Variants in DIABLO observed in about 807,000 individuals in gnomAD.
DIABLO encodes diablo IAP-binding mitochondrial protein.
In DIABLO, 32 loss-of-function variants were observed where a neutral mutation model predicts 31.7. The observed-to-expected ratio is 1.01, with a 90% CI of 0.76 to 1.35. The LOEUF (loss-of-function observed/expected upper bound fraction) is 1.35. DIABLO is among the 40% of genes most tolerant of loss of function. The pLI is 0.00. For synonymous variants in DIABLO, 132 were observed against 103.2 expected (o/e 1.28, Z -1.69); for missense variants, 316 against 286.4 (o/e 1.10, Z -0.75).
chr12:122,222,990 C>T (rs1405128717), intron 2 of DIABLO, among the ~76,000 whole-genome samples: 4 of 151,870 alleles, frequency 2.6e-5, no homozygotes, highest in African/African-American at 9.7e-5. Flanking sequence ...CTGCTAACTA[C>T]GTTGAGCTAA....
intron 2 of DIABLO, chr12:122,221,153 A>G (rs957134085): frequency 2.6e-5 from 4 of 152,202 alleles, no homozygotes; most frequent in East Asian, 3.8e-4. Context: ...AATATACAAT[A>G]TTAAGTGGCC....
intron 5 of DIABLO, among the ~76,000 whole-genome samples, chr12:122,212,696 C>T (rs1411395368): frequency 6.7e-6 from 1 of 150,260 alleles, no homozygotes; most frequent in East Asian, 1.9e-4. Context: ...GTGATCTCTG[C>T]TCACTGCAAG....
In DIABLO at chr12:122,218,253, AGAG is replaced by A. The variant is rs755994726; in HGVS notation, c.315+10_315+12del. The stretch of plus-strand genomic sequence containing the variant: ...CCATGGTTTAGAAGATCAAGAGTTA[AGAG>A]GAGACATACCTTAGTATATTCAGTA... On this transcript the variant is annotated intron_variant, in intron 3 of 5. Transcript: ENST00000464942. 62 of 1,613,972 alleles carry A rather than the reference AGAG, an allele frequency of 3.8e-5. No individual in the cohort carries two copies. Among genetic ancestry groups the A allele is most frequent in the Non-Finnish European group, 5.0e-5 (59 of 1,179,982 alleles).
intron 2 of DIABLO, among the ~76,000 whole-genome samples, chr12:122,223,172 G>A (rs1593181568): frequency 6.6e-6 from 1 of 151,934 alleles, no homozygotes; most frequent in African/African-American, 2.4e-5. Context: ...CGGTGGCTCA[G>A]GCCTGTAATC....
chr12:122,209,576 A>T (rs1954030863), intron 5 of DIABLO: 1 of 557,172 alleles, frequency 1.8e-6, no homozygotes, highest in Non-Finnish European at 3.2e-6. Flanking sequence ...GAAGCAGGAG[A>T]ATTGCTTGAA....
upstream of DIABLO, among the ~76,000 whole-genome samples, chr12:122,227,133 A>C (rs1954494934): frequency 6.6e-6 from 1 of 152,192 alleles, no homozygotes; most frequent in Non-Finnish European, 1.5e-5. Flanking sequence ...GCAGGGTGCC[A>C]GGTGGTGGGT....
intron 1 of DIABLO, 128 bp from the exon 2 acceptor site, chr12:122,224,772 G>C (rs1954413618): frequency 6.3e-7 from 1 of 1,586,316 alleles, no homozygotes; most frequent in East Asian, 2.3e-5. Context: ...CAGGACAGCT[G>C]AGGGGTTTTG....
rs763764437 is a variant in DIABLO at position 122,218,338 on chromosome 12, T to C, written c.243A>G (p.Val81=). The change falls in exon 3 of 6, where the codon GTA becomes GTG. Residue 81 remains valine (V), a synonymous_variant. Transcript: ENST00000464942. ...AGAGAAAGGTAGAGGTGCTATCTGT[T>C]ACCAAAGACACTGCTCTCCTCATCA... The part of the protein sequence containing the change: ...EALMRRAVSL[V]TDSTSTFLSQ... The C allele has an allele frequency of 6.2e-7, 1 of 1,614,144 alleles. No homozygotes were observed. Among genetic ancestry groups the C allele is most frequent in the South Asian group, 1.1e-5 (1 of 91,088 alleles).
intron 3 of DIABLO, among the ~76,000 whole-genome samples, chr12:122,218,019 G>T (rs549467231): frequency 1.3e-5 from 2 of 150,474 alleles, no homozygotes; most frequent in African/African-American, 2.4e-5. Context: ...GTCTAAAAAC[G>T]AGTGATTTAG....
At chr12:122,225,193 A>G in intron 1 of DIABLO, 1 of 213,626 alleles carries the variant, frequency 4.7e-6, no homozygotes, top group East Asian at 1.3e-4. Flanking sequence ...AGCCTGGGCA[A>G]CAGAGCGAGA....
Position 122,226,024 on chromosome 12 carries a change from C to G in DIABLO, c.-10G>C. ...TCTTCAGAGCCGCCATTGTGCAGCG[C>G]GCGGACGCCAGACGCACACGCCGGA... On this transcript the variant is annotated 5_prime_UTR_variant, in exon 1 of 6. Transcript: ENST00000464942. 1 of 1,601,916 alleles carries G rather than the reference C, an allele frequency of 6.2e-7. No individual in the cohort carries two copies. The highest frequency in any genetic ancestry group is 8.5e-7 in the Non-Finnish European group (1 of 1,175,532).
intron 5 of DIABLO, chr12:122,209,679 T>A (rs1334061425): frequency 1.6e-5 from 11 of 667,768 alleles, no homozygotes; most frequent in South Asian, 7.8e-5. Flanking sequence ...AAAAAAAAAA[T>A]GAGCTCTCTC....
intron 5 of DIABLO, chr12:122,208,870 C>G: frequency 2.1e-6 from 1 of 470,464 alleles, no homozygotes; most frequent in Non-Finnish European, 4.0e-6. Flanking sequence ...TAGTACAGAC[C>G]TTTGATTAAT....
chr12:122,208,395 GGTAGGCC>G lies in DIABLO; in HGVS notation c.699_705del (p.Glu233AspfsTer32), dbSNP rs1953984853. ...TGCTCAGGCCCTCAATCCTCACGCAGGTAGGCCTCCTGCTCCGACTCAGCCCGCTCCT... is the reference window on the plus strand; with the variant it reads ...TGCTCAGGCCCTCAATCCTCACGCAGTCCTGCTCCGACTCAGCCCGCTCCT... On this transcript the variant is annotated frameshift_variant, in exon 6 of 6. Transcript: ENST00000464942. LOFTEE classifies it high-confidence loss of function. The G allele has an allele frequency of 4.3e-6, 7 of 1,612,436 alleles. No homozygotes were observed. The highest frequency in any genetic ancestry group is 5.9e-6 in the Non-Finnish European group (7 of 1,180,014).
rs1413846972 is a variant in DIABLO at position 122,225,341 on chromosome 12, C to T, written c.50+624G>A. Reference sequence around the variant, plus strand: ...GGCACAGGTTGCAGTGAGCTGAGATCTCGCCACTGCACTCCAGCCTGGGCG... The same window carrying T: ...GGCACAGGTTGCAGTGAGCTGAGATTTCGCCACTGCACTCCAGCCTGGGCG... On this transcript the variant is annotated intron_variant, in intron 1 of 5. Transcript: ENST00000464942. The T allele has an allele frequency of 5.7e-5, 54 of 940,298 alleles. No individual in the cohort carries two copies. The Admixed American group carries it at 6.0e-4, about 10-fold the overall frequency. 58.2% of individuals were successfully genotyped at this position (940,298 alleles called of 1,614,324 possible). A position where few individuals can be genotyped will look rare whatever the true frequency, so the allele number is the denominator to read the frequency against.
chr12:122,217,942 T>G (rs1954251134), intron 3 of DIABLO, among the ~76,000 whole-genome samples: 1 of 151,704 alleles, frequency 6.6e-6, no homozygotes, highest in South Asian at 2.1e-4. Flanking sequence ...TTCACTCCTG[T>G]TTTATATACT....
intron 2 of DIABLO, among the ~76,000 whole-genome samples, chr12:122,223,458 C>T (rs1324928681): frequency 1.3e-5 from 2 of 151,516 alleles, no homozygotes; most frequent in East Asian, 3.9e-4. Flanking sequence ...AAAATATCTT[C>T]TGCGGCTTCT....
chr12:122,210,114 T>A (rs527662878), intron 5 of DIABLO, among the ~76,000 whole-genome samples: 1 of 152,266 alleles, frequency 6.6e-6, no homozygotes, highest in South Asian at 2.1e-4. Flanking sequence ...GGTAAATGGC[T>A]ACGTTTGATT....
Position 122,218,293 on chromosome 12 carries a change from C to A in DIABLO, c.288G>T (p.Leu96Phe). 1 of 1,614,084 alleles carries A rather than the reference C, an allele frequency of 6.2e-7. No individual in the cohort carries two copies. Among genetic ancestry groups the A allele is most frequent in the South Asian group, 1.1e-5 (1 of 91,082 alleles). Residue 96 changes from leucine (L) to phenylalanine (F), a missense_variant, in exon 3 of 6, where the codon TTG (leucine) becomes TTT (phenylalanine). By Grantham distance (22) the Leu-to-Phe change is conservative. Transcript: ENST00000464942. ...STFLSQTTYA[L>F]IEAITEYTKA... ...TAGTATATTCAGTAATAGCTTCAAT[C>A]AACGCATATGTGGTCTGAGAGAGAA...
Sources: gnomAD v4.1 joint callset for allele counts (sites outside exome capture counted in the v4.1 genomes callset) on GRCh38, gnomAD v4.1.1 for gene constraint, MANE v1.5 for transcripts, NCBI Gene and HGNC (gene_info 2026-07-23, HGNC 2026-07-21) for gene names.